The following NEDD4L variants were observed in gnomAD, a reference collection of about 807,000 sequenced individuals.
The protein encoded by NEDD4L is NEDD4 like E3 ubiquitin protein ligase.
A neutral mutation model predicts 148.9 loss-of-function variants in NEDD4L; 54 were observed. The ratio of observed to expected loss-of-function variants is 0.36; its 90% CI spans 0.29 to 0.45. The LOEUF (loss-of-function observed/expected upper bound fraction) is 0.45. Among genes scored for constraint, NEDD4L ranks in the 20% least tolerant of loss-of-function variants. The pLI is 1.00. For missense variants in NEDD4L, 856 were observed against 1,233.8 expected (o/e 0.69, Z 4.59); for synonymous variants, 433 against 440.7 (o/e 0.98, Z 0.22).
chr18:58,323,189 A>C, intron 7 of NEDD4L, 43 bp from the exon 8 acceptor site: 1 of 1,169,052 alleles, frequency 8.6e-7, no homozygotes, highest in Non-Finnish European at 1.3e-6. Flanking sequence ...TGTCCTTTGA[A>C]GTCACAACCC....
chr18:58,333,798 G>A lies in NEDD4L; in HGVS notation c.991-20G>A, dbSNP rs751156807. 11 of 1,598,828 alleles carry A rather than the reference G, an allele frequency of 6.9e-6. No individual in the cohort carries two copies. The Admixed American group carries it at 1.0e-4, about 15-fold the overall frequency. Reference sequence around the variant, plus strand: ...AAGAATATATTTCTTGATGCTTCCTGTCTTTTCCTCTCCTTCCAGCAAAGA... The same window carrying A: ...AAGAATATATTTCTTGATGCTTCCTATCTTTTCCTCTCCTTCCAGCAAAGA... On this transcript the variant is annotated intron_variant, in intron 11 of 30. Transcript: ENST00000400345.
intron 5 of NEDD4L, among the ~76,000 whole-genome samples, chr18:58,307,707 A>G (rs1220204917): frequency 6.6e-6 from 1 of 151,326 alleles, no homozygotes; most frequent in East Asian, 1.9e-4. Context: ...GCCCGGAGAT[A>G]TGTGAGGAAG....
chr18:58,123,362 C>A (rs2030355328), intron 1 of NEDD4L, among the ~76,000 whole-genome samples: 1 of 152,200 alleles, frequency 6.6e-6, no homozygotes, highest in Non-Finnish European at 1.5e-5. Context: ...CGTTCCCAGC[C>A]TTCCCACTTG....
At chr18:58,305,125 C>T (rs1038633156) in intron 5 of NEDD4L, among the ~76,000 whole-genome samples, 3 of 152,182 alleles carry the variant, frequency 2.0e-5, no homozygotes, top group Non-Finnish European at 4.4e-5. Context: ...TGTAAATGGG[C>T]CCAGCGATTT....
intron 1 of NEDD4L, among the ~76,000 whole-genome samples, chr18:58,047,798 C>A (rs2081655587): frequency 6.6e-6 from 1 of 152,050 alleles, no homozygotes; most frequent in South Asian, 2.1e-4. Context: ...TTGTGGATTT[C>A]TTGTTTTATT....
intron 6 of NEDD4L, among the ~76,000 whole-genome samples, chr18:58,318,717 G>C (rs2058511413): frequency 6.6e-6 from 1 of 152,212 alleles, no homozygotes; most frequent in Admixed American, 6.5e-5. Context: ...TAGCGATAAA[G>C]AGAACTCTGA....
intron 1 of NEDD4L, among the ~76,000 whole-genome samples, chr18:58,082,745 AC>A (rs2083533626): frequency 6.8e-6 from 1 of 148,060 alleles, no homozygotes; most frequent in Admixed American, 6.8e-5. Context: ...CTGAGATCAC[AC>A]CACTGCACTC....
In NEDD4L at chr18:58,364,285, A is replaced by G. The variant is rs1056763634; in HGVS notation, c.1785A>G (p.Arg595=). ...TCTTCCAGGCTGTCCCTTACTCCAGAGAATTTAAGCAGAAATATGACTACT... is the reference window on the plus strand; with the variant it reads ...TCTTCCAGGCTGTCCCTTACTCCAGGGAATTTAAGCAGAAATATGACTACT... ...AITGPAVPYS[R]EFKQKYDYFR... is the part of the protein sequence containing the mutation. The change falls in exon 20 of 31, where the codon AGA becomes AGG. Residue 595 remains arginine (R), a synonymous_variant. Coordinates refer to ENST00000400345, the MANE Select transcript of NEDD4L (RefSeq NM_001144967.3). The G allele has an allele frequency of 1.3e-6, 2 of 1,557,312 alleles. No individual in the cohort carries two copies. Among genetic ancestry groups the G allele is most frequent in the East Asian group, 2.4e-5 (1 of 42,518 alleles).
intron 2 of NEDD4L, among the ~76,000 whole-genome samples, chr18:58,214,716 T>C (rs894886288): frequency 2.0e-5 from 3 of 151,926 alleles, no homozygotes; most frequent in African/African-American, 7.3e-5. Flanking sequence ...TGGGGTTTTT[T>C]CTCTAATTAA....
intron 5 of NEDD4L, chr18:58,314,620 T>C (rs2058065963): frequency 2.0e-5 from 3 of 152,206 alleles, no homozygotes; most frequent in Admixed American, 2.0e-4. Flanking sequence ...GGGCACCTCC[T>C]CTTACCGCTC....
At chr18:58,392,182 G>T (rs1378428353) in intron 30 of NEDD4L, among the ~76,000 whole-genome samples, 1 of 152,234 alleles carries the variant, frequency 6.6e-6, no homozygotes, top group African/African-American at 2.4e-5. Context: ...AGACTGGATG[G>T]GATCAGTTTC....
intron 1 of NEDD4L, among the ~76,000 whole-genome samples, chr18:58,142,685 ATCTC>A (rs1040988678): frequency 2.6e-4 from 39 of 152,274 alleles, no homozygotes; most frequent in African/African-American, 8.4e-4. Context: ...TGTTCAGGAG[ATCTC>A]TCTATTTACC....
chr18:58,374,845 A>G (rs1396060629), intron 24 of NEDD4L, among the ~76,000 whole-genome samples: 1 of 151,320 alleles, frequency 6.6e-6, no homozygotes, highest in Non-Finnish European at 1.5e-5. Flanking sequence ...TTTTTGTCTC[A>G]CCCTTGCTAT....
chr18:58,118,942 C>T (rs2086039041), intron 1 of NEDD4L, among the ~76,000 whole-genome samples: 1 of 151,328 alleles, frequency 6.6e-6, no homozygotes, highest in South Asian at 2.1e-4. Flanking sequence ...GCTCACACCA[C>T]CTGCTACTAC....
chr18:58,381,869 C>T (rs925592841), intron 24 of NEDD4L, among the ~76,000 whole-genome samples: 4 of 152,130 alleles, frequency 2.6e-5, no homozygotes, highest in Non-Finnish European at 5.9e-5. Context: ...ATCCTCCATC[C>T]CCAACACGGC....
rs899781833 is a variant in NEDD4L, at chr18:58,397,272, G to A, written c.*1003G>A. The A allele has an allele frequency of 1.3e-5, 2 of 152,636 alleles. No individual in the cohort carries two copies. The highest frequency in any genetic ancestry group is 6.5e-5 in the Admixed American group (1 of 15,282). 9.5% of individuals were successfully genotyped at this position (152,636 alleles called of 1,614,324 possible). ...TGTTTGTATGCGTTTGCTAATGGTA[G>A]CTAAATAACCAGTTTTTGTTGTAAA... On this transcript the variant is annotated 3_prime_UTR_variant, in exon 31 of 31. Transcript: ENST00000400345.
In NEDD4L at chr18:58,221,856, G is replaced by A. The variant is rs560881248; in HGVS notation, c.123-23571G>A. ...GGTTTAATACTGTTTTTATGTCAGC[G>A]GCATAGTTCTAGCATGTACCAAGAT... On this transcript the variant is annotated intron_variant, in intron 2 of 30. Coordinates refer to ENST00000400345, the MANE Select transcript of NEDD4L (RefSeq NM_001144967.3). The A allele has an allele frequency of 8.9e-5, 35 of 394,508 alleles. 1 individual carries two copies. Among genetic ancestry groups the A allele is most frequent in the Admixed American group, 6.4e-5 (1 of 15,620 alleles). 24.4% of individuals were successfully genotyped at this position (394,508 alleles called of 1,614,324 possible).
At chr18:58,059,896 C>T (rs2082252569) in intron 1 of NEDD4L, among the ~76,000 whole-genome samples, 1 of 152,100 alleles carries the variant, frequency 6.6e-6, no homozygotes, top group Non-Finnish European at 1.5e-5. Flanking sequence ...CAATTTTCAT[C>T]AATTAAAATA....
At chr18:58,231,107 C>T (rs1178476854) in intron 2 of NEDD4L, among the ~76,000 whole-genome samples, 1 of 151,670 alleles carries the variant, frequency 6.6e-6, no homozygotes, top group East Asian at 1.9e-4. Context: ...AAAAATTAGC[C>T]ATGTGTGGCA....
Sources: allele counts gnomAD v4.1 joint callset (sites outside exome capture counted in the v4.1 genomes callset), GRCh38; gene constraint gnomAD v4.1.1; transcripts MANE v1.5; gene names NCBI Gene and HGNC (gene_info 2026-07-23, HGNC 2026-07-21).